The following CALU variants were observed in gnomAD, a reference collection of about 807,000 sequenced individuals.
The protein encoded by CALU is calumenin.
A neutral mutation model predicts 37.5 loss-of-function variants in CALU; 13 were observed. That is an observed-to-expected ratio of 0.35 (90% confidence interval 0.23 to 0.55). The LOEUF (loss-of-function observed/expected upper bound fraction) is 0.55, where lower values mean the gene tolerates loss of function less well. Among genes scored for constraint, CALU ranks in the 20% least tolerant of loss-of-function variants. The pLI, the probability that CALU is intolerant of heterozygous loss-of-function variation, is 0.89. For synonymous variants in CALU, 114 were observed against 133.8 expected, an observed-to-expected ratio of 0.85 and a Z score of 1.02; for missense variants, 282 against 391.7, an observed-to-expected ratio of 0.72 and a Z score of 2.36.
chr7:128,758,866 T>C lies in CALU; in HGVS notation c.416-5T>C. 1 of 1,602,160 alleles carries C rather than the reference T, an allele frequency of 6.2e-7. No individual in the cohort carries two copies. Among genetic ancestry groups the C allele is most frequent in the Non-Finnish European group, 8.5e-7 (1 of 1,174,290 alleles). On this transcript the variant is annotated splice_region_variant and splice_polypyrimidine_tract_variant and intron_variant, in intron 3 of 6. Coordinates refer to ENST00000249364, the MANE Select transcript of CALU (RefSeq NM_001219.5). ...TAAGATTTGACCTAAATTTTTGTTT[T>C]CTAGATGATCCAGATCCTGATGATG...
At chr7:128,761,866 C>G (rs1337145378) in intron 5 of CALU, among the ~76,000 whole-genome samples, 1 of 152,162 alleles carries the variant, frequency 6.6e-6, no homozygotes, top group Non-Finnish European at 1.5e-5. Context: ...CTGTATGGAG[C>G]AAGTCACTGC....
Position 128,772,720 on chromosome 7 carries a change from CCTT to C in CALU, c.*3554_*3556del. On this transcript the variant is annotated 3_prime_UTR_variant, in exon 7 of 7. Transcript: ENST00000249364. ...AGATGAGGAAGTATGGGAAAAAAGA[CCTT>C]ATTCTCTGTATCACCAAAGCCTTGC... The C allele has an allele frequency of 6.2e-7, 1 of 1,608,642 alleles. No homozygotes were observed. Among genetic ancestry groups the C allele is most frequent in the African/African-American group, 1.3e-5 (1 of 74,886 alleles).
At chr7:128,761,678 A>G (rs908350299) in intron 5 of CALU, 1 of 152,254 alleles carries the variant, frequency 6.6e-6, no homozygotes, top group African/African-American at 2.4e-5. Flanking sequence ...TTAGAAAGAT[A>G]TTAGATATTT....
rs747692132 is a variant in CALU, at chr7:128,772,418, C to G, written c.*3251C>G. On this transcript the variant is annotated 3_prime_UTR_variant, in exon 7 of 7. Transcript: ENST00000249364. ...AATGAAAAATTGACTCCCCAAACTG[C>G]CATCACTCCTTTTACCATCTTTTTT... is the stretch of plus-strand genomic sequence containing the variant. 61 of 1,211,900 alleles carry G rather than the reference C, an allele frequency of 5.0e-5. No individual in the cohort carries two copies. The highest frequency in any genetic ancestry group is 6.5e-5 in the Non-Finnish European group (55 of 839,778). 75.1% of individuals were successfully genotyped at this position (1,211,900 alleles called of 1,614,324 possible). A position where few individuals can be genotyped will look rare whatever the true frequency, so the allele number is the denominator to read the frequency against.
At position 128,771,634 on chromosome 7, in the gene CALU, T is replaced by C. The variant is rs1801567928; in HGVS notation, c.*2467T>C. On this transcript the variant is annotated 3_prime_UTR_variant, in exon 7 of 7. Transcript: ENST00000249364. ...TGATTATTCTTTTCTCCCTGTTTTC[T>C]GGTATTTTCTAGCATCCTTCTCACC... 6.6e-6 allele frequency: 1 copy of C among 152,370 alleles called. No individual in the cohort carries two copies. The highest frequency in any genetic ancestry group is 1.5e-5 in the Non-Finnish European group (1 of 68,042). 9.4% of individuals were successfully genotyped at this position (152,370 alleles called of 1,614,324 possible).
intron 1 of CALU, among the ~76,000 whole-genome samples, chr7:128,740,088 AC>A (rs1800174981): frequency 1.3e-5 from 2 of 152,272 alleles, no homozygotes; most frequent in Admixed American, 6.5e-5. Context: ...AATTTTTGTT[AC>A]GTTTTTTGTT....
chr7:128,754,299 T>A lies in CALU; in HGVS notation c.259T>A (p.Phe87Ile), dbSNP rs769839774. 1 of 1,612,338 alleles carries A rather than the reference T, an allele frequency of 6.2e-7. No individual in the cohort carries two copies. Among genetic ancestry groups the A allele is most frequent in the South Asian group, 1.1e-5 (1 of 90,592 alleles). ...TAAAATAGATGGCGACAAGGACGGG[T>A]TTGTCACTGTGGATGAGCTCAAAGA... ...VSKIDGDKDGFVTVDELKDWI... is the reference protein window; with the variant it reads ...VSKIDGDKDGIVTVDELKDWI... Residue 87 changes from phenylalanine to isoleucine, a missense_variant, in exon 3 of 7, where the codon TTT (phenylalanine) becomes ATT (isoleucine). By Grantham distance (21) the Phe-to-Ile change is conservative. Coordinates refer to ENST00000249364, the MANE Select transcript of CALU (RefSeq NM_001219.5).
chr7:128,745,739 C>G (rs913157193), intron 1 of CALU, among the ~76,000 whole-genome samples: 3 of 152,148 alleles, frequency 2.0e-5, no homozygotes, highest in African/African-American at 7.2e-5. Flanking sequence ...TTTGATTGAT[C>G]AGTTGAATTA....
At chr7:128,754,196 AC>A in intron 2 of CALU, 65 bp from the exon 3 acceptor site, 1 of 1,276,658 alleles carries the variant, frequency 7.8e-7, no homozygotes, top group Non-Finnish European at 1.1e-6. Flanking sequence ...CTGGGCACAC[AC>A]CTGGCTAAGT....
In CALU at chr7:128,772,656, G is replaced by A. The variant is rs200091747; in HGVS notation, c.*3489G>A. The A allele has an allele frequency of 1.9e-6, 3 of 1,614,058 alleles. No individual in the cohort carries two copies. Among genetic ancestry groups the A allele is most frequent in the Non-Finnish European group, 1.7e-6 (2 of 1,179,958 alleles). On this transcript the variant is annotated 3_prime_UTR_variant, in exon 7 of 7. Transcript: ENST00000249364. ...CACACCATCTTCATGATGCAAGCTT[G>A]GAACTGGAGAGAAAGGTACAATTGG...
chr7:128,757,054 C>T (rs2128880686), intron 3 of CALU, among the ~76,000 whole-genome samples: 1 of 151,738 alleles, frequency 6.6e-6, no homozygotes, highest in East Asian at 1.9e-4. Flanking sequence ...CCAGCCTGGG[C>T]CACACAGAAC....
In CALU at chr7:128,772,336, G is replaced by C. The variant is rs552655829; in HGVS notation, c.*3169G>C. 1.1e-3 allele frequency among the ~76,000 whole-genome samples: 165 copies of C among 152,298 alleles called. 1 individual carries two copies. The highest frequency in any genetic ancestry group is 1.3e-3 in the Non-Finnish European group (90 of 68,028). On this transcript the variant is annotated 3_prime_UTR_variant, in exon 7 of 7. Transcript: ENST00000249364. ...TGATTGTTGAAATGGCCTTTGGGTG[G>C]TCTGAAATAGACCAGTGGAAACAGT...
At chr7:128,755,513 G>A (rs1363486029) in intron 3 of CALU, among the ~76,000 whole-genome samples, 1 of 152,094 alleles carries the variant, frequency 6.6e-6, no homozygotes, top group Non-Finnish European at 1.5e-5. Flanking sequence ...CAGTATGTCT[G>A]CTTACTGAAG....
intron 1 of CALU, chr7:128,748,240 C>A: frequency 1.4e-6 from 1 of 693,104 alleles, no homozygotes; most frequent in Non-Finnish European, 2.3e-6. Context: ...TTGGTTCTTT[C>A]ACTTTTAATT....
At chr7:128,751,691 C>A (rs1408378609) in intron 2 of CALU, among the ~76,000 whole-genome samples, 1 of 152,148 alleles carries the variant, frequency 6.6e-6, no homozygotes, top group Non-Finnish European at 1.5e-5. Flanking sequence ...TGTACCACTG[C>A]CCTCCAGCCT....
intron 1 of CALU, among the ~76,000 whole-genome samples, chr7:128,740,518 C>G (rs559056349): frequency 6.6e-6 from 1 of 152,124 alleles, no homozygotes; most frequent in South Asian, 2.1e-4. Context: ...ATTTAATTAA[C>G]CAAATACCAA....
In CALU at chr7:128,751,010, C is replaced by T. The variant is rs576788443; in HGVS notation, c.221+2206C>T. Among the ~76,000 whole-genome samples, 3 of 152,278 alleles carry T rather than the reference C, an allele frequency of 2.0e-5. No individual in the cohort carries two copies. The South Asian group carries it at 6.2e-4, about 32-fold the overall frequency. On this transcript the variant is annotated intron_variant, in intron 2 of 6. Coordinates refer to ENST00000249364, the MANE Select transcript of CALU (RefSeq NM_001219.5). ...TCTTAATATTAAAAAAGTTCTCTGGCTGGGCGCAATGGCTCATGCCTGTAA... is the reference window on the plus strand; with the variant it reads ...TCTTAATATTAAAAAAGTTCTCTGGTTGGGCGCAATGGCTCATGCCTGTAA...
chr7:128,751,454 C>A (rs1800671895), intron 2 of CALU, among the ~76,000 whole-genome samples: 1 of 152,062 alleles, frequency 6.6e-6, no homozygotes, highest in Admixed American at 6.6e-5. Flanking sequence ...GGGCTAGGCG[C>A]AATGGCTCAT....
Position 128,771,702 on chromosome 7 carries a change from G to C in CALU, c.*2535G>C, listed in dbSNP as rs1801570769. The C allele has an allele frequency of 6.6e-6, 1 of 152,124 alleles. No individual in the cohort carries two copies. Among genetic ancestry groups the C allele is most frequent in the African/African-American group, 2.4e-5 (1 of 41,402 alleles). The allele number at this position is 152,124 out of a possible 1,614,324, so 9.4% of individuals were successfully genotyped here. On this transcript the variant is annotated 3_prime_UTR_variant, in exon 7 of 7. Coordinates refer to ENST00000249364, the MANE Select transcript of CALU (RefSeq NM_001219.5). ...TTACTTCCATTAGGCCGTATAACTG[G>C]AGAGACCTGCTGCTCGTTATATAAT...
Sources: gnomAD v4.1 joint callset for allele counts (sites outside exome capture counted in the v4.1 genomes callset) on GRCh38, gnomAD v4.1.1 for gene constraint, MANE v1.5 for transcripts, NCBI Gene and HGNC (gene_info 2026-07-23, HGNC 2026-07-21) for gene names.